ARID4B: variants seen among roughly 807,000 people sequenced by gnomAD.
The protein encoded by ARID4B is AT-rich interaction domain 4B.
ARID4B carries 26 observed loss-of-function variants against 147.5 expected under a neutral mutation model. That is an observed-to-expected ratio of 0.18 (90% CI 0.13 to 0.24). The LOEUF (loss-of-function observed/expected upper bound fraction) is 0.24, where lower values mean the gene tolerates loss of function less well. Ranked by LOEUF, ARID4B falls within the 10% of genes least tolerant of loss-of-function variation. The pLI, the probability that ARID4B is intolerant of heterozygous loss-of-function variation, is 1.00. For missense variants in ARID4B, 1,179 were observed against 1,511.5 expected (o/e 0.78, Z 3.65); for synonymous variants, 512 against 507.9 (o/e 1.01, Z -0.11).
intron 17 of ARID4B, among the ~76,000 whole-genome samples, chr1:235,205,763 T>G (rs12058385): frequency 0.04 from 6,086 of 152,154 alleles, 459 homozygotes; most frequent in African/African-American, 0.14. Context: ...AATAAGTACA[T>G]GAAAAAATGT....
intron 2 of ARID4B, among the ~76,000 whole-genome samples, chr1:235,312,365 A>T (rs10925410): frequency 0.039 from 5,865 of 152,228 alleles, 431 homozygotes; most frequent in African/African-American, 0.13. Flanking sequence ...TAACAAAATA[A>T]ATACTCATGT....
At chr1:235,191,982 A>T (rs1665142419) in intron 19 of ARID4B, among the ~76,000 whole-genome samples, 1 of 152,086 alleles carries the variant, frequency 6.6e-6, no homozygotes, top group Admixed American at 6.6e-5. Flanking sequence ...GGAGGCTGAG[A>T]TGGAAAGGTC....
At chr1:235,282,778 T>A (rs1355037719) in intron 2 of ARID4B, among the ~76,000 whole-genome samples, 3 of 152,060 alleles carry the variant, frequency 2.0e-5, no homozygotes, top group Non-Finnish European at 4.4e-5. Flanking sequence ...TATTTAATTT[T>A]ATTTATTTAT....
Position 235,246,464 on chromosome 1 carries a change from T to C in ARID4B, c.402A>G (p.Pro134=). 5.0e-6 allele frequency: 8 copies of C among 1,613,874 alleles called. No homozygotes were observed. The highest frequency in any genetic ancestry group is 5.9e-6 in the Non-Finnish European group (7 of 1,179,764). The change falls in exon 7 of 24, where the codon CCA becomes CCG. Residue 134 remains proline, a synonymous_variant. Transcript: ENST00000264183. Reference sequence around the variant, plus strand: ...CTCTATTTGTTTTCTTTCCTATGACTGGAGTGCCAAAATGCTCAGGGTTGG... The same window carrying C: ...CTCTATTTGTTTTCTTTCCTATGACCGGAGTGCCAAAATGCTCAGGGTTGG... ...PLTNPEHFGT[P]VIGKKTNRGR... is the part of the protein sequence containing the mutation.
chr1:235,311,768 T>A (rs886416910), intron 2 of ARID4B, among the ~76,000 whole-genome samples: 1 of 151,566 alleles, frequency 6.6e-6, no homozygotes, highest in Non-Finnish European at 1.5e-5. Context: ...AGCAAGACCC[T>A]GTCTCAAAAA....
rs371467026 is a variant in ARID4B, at chr1:235,220,555, T to C, written c.1164-10A>G. ...AAAACCATATAAGTATCTGGAAACA[T>C]GAAGAGAAATTACATTTGGTGAAAA... On this transcript the variant is annotated splice_polypyrimidine_tract_variant and intron_variant, in intron 14 of 23. Transcript: ENST00000264183. 3.9e-6 allele frequency: 6 copies of C among 1,536,472 alleles called. No homozygotes were observed. The highest frequency in any genetic ancestry group is 5.2e-6 in the Non-Finnish European group (6 of 1,143,646).
intron 23 of ARID4B, among the ~76,000 whole-genome samples, chr1:235,170,199 G>A (rs1156725348): frequency 6.6e-6 from 1 of 152,020 alleles, no homozygotes; most frequent in Non-Finnish European, 1.5e-5. Flanking sequence ...ACTTGTCTTT[G>A]GAAAGAAAAA....
chr1:235,313,072 CTCATTCTA>C (rs1312753379), intron 2 of ARID4B, among the ~76,000 whole-genome samples: 1 of 152,194 alleles, frequency 6.6e-6, no homozygotes, highest in Non-Finnish European at 1.5e-5. Flanking sequence ...GAGATGCAGT[CTCATTCTA>C]TCACCTAGGC....
At chr1:235,178,050 T>G (rs1664016400) in intron 20 of ARID4B, 137 bp from the exon 21 acceptor site, 3 of 470,388 alleles carry the variant, frequency 6.4e-6, no homozygotes, top group South Asian at 5.2e-5. Flanking sequence ...TCACAGAACT[T>G]ACTACAATTT....
intron 2 of ARID4B, among the ~76,000 whole-genome samples, chr1:235,309,434 C>T (rs1359165174): frequency 7.1e-6 from 1 of 141,198 alleles, no homozygotes; most frequent in African/African-American, 3.0e-5. Context: ...GGGGGGTCAG[C>T]CCCCCGCCCG....
At position 235,171,682 on chromosome 1, in the gene ARID4B, C is replaced by A. The variant is rs1323090336; in HGVS notation, c.3811+936G>T. ...GAGACAGAGTTTAGCTCTTGTTGCC[C>A]AGGCTGGAGTGCAATGGCATGATCT... is the stretch of plus-strand genomic sequence containing the variant. On this transcript the variant is annotated intron_variant, in intron 23 of 23. Coordinates refer to ENST00000264183, the MANE Select transcript of ARID4B (RefSeq NM_016374.6). Among the ~76,000 whole-genome samples the A allele has an allele frequency of 2.0e-5, 3 of 151,968 alleles. 1 individual carries two copies. The highest frequency in any genetic ancestry group is 6.8e-3 in the Middle Eastern group (2 of 294).
intron 5 of ARID4B, 97 bp from the exon 6 acceptor site, chr1:235,252,906 T>C: frequency 3.7e-6 from 3 of 815,404 alleles, no homozygotes; most frequent in Non-Finnish European, 5.8e-6. Flanking sequence ...ACAGATCTAC[T>C]ATTTAAGACT....
At chr1:235,168,963 T>C (rs1663127410) in intron 23 of ARID4B, among the ~76,000 whole-genome samples, 1 of 152,170 alleles carries the variant, frequency 6.6e-6, no homozygotes, top group South Asian at 2.1e-4. Context: ...AATACACTTT[T>C]TGTAACAGTG....
At chr1:235,238,464 T>A (rs1259126829) in intron 8 of ARID4B, among the ~76,000 whole-genome samples, 1 of 152,220 alleles carries the variant, frequency 6.6e-6, no homozygotes, top group Non-Finnish European at 1.5e-5. Context: ...ACAAATTAGT[T>A]GTCAAACGTG....
At position 235,168,608 on chromosome 1, in the gene ARID4B, T is replaced by G. The variant is rs1414101127; in HGVS notation, c.3856A>C (p.Ile1286Leu). 1 of 1,614,028 alleles carries G rather than the reference T, an allele frequency of 6.2e-7. No homozygotes were observed. The highest frequency in any genetic ancestry group is 1.7e-5 in the Admixed American group (1 of 60,008). The change falls in exon 24 of 24, where the codon ATA becomes CTA. Residue 1286 changes from isoleucine to leucine, a missense_variant. Ile to Leu is a conservative substitution (Grantham distance 5). Transcript: ENST00000264183. ...AAAGTTAACATAACAGCAGCTGTTA[T>G]GGAACTGGATGAAGGTGAAGAGGAG... The part of the protein sequence containing the change: ...SSSSSPSSSS[I>L]TAAVMLTLAE...
At chr1:235,236,844 A>ATATATATATATATATGTG (rs1558233519) in intron 8 of ARID4B, among the ~76,000 whole-genome samples, 2 of 32,738 alleles carry the variant, frequency 6.1e-5, no homozygotes, top group Non-Finnish European at 1.2e-4. Context: ...ATATATATAT[A>ATATATATATATATATGTG]TATATATATA....
intron 21 of ARID4B, among the ~76,000 whole-genome samples, chr1:235,176,372 C>A (rs1404640637): frequency 7.7e-6 from 1 of 129,060 alleles, no homozygotes; most frequent in Non-Finnish European, 1.6e-5. Context: ...CTACCAGTTA[C>A]ACCAAACAAT....
Position 235,182,608 on chromosome 1 carries a change from T to C in ARID4B, c.2311A>G (p.Ile771Val). 1 of 1,613,642 alleles carries C rather than the reference T, an allele frequency of 6.2e-7. No homozygotes were observed. The highest frequency in any genetic ancestry group is 8.5e-7 in the Non-Finnish European group (1 of 1,179,942). Residue 771 changes from isoleucine to valine, a missense_variant, in exon 20 of 24, where the codon ATA (isoleucine) becomes GTA (valine). Transcript: ENST00000264183. ...EENKVHADLVISKPVSKSPER... is the reference protein window; with the variant it reads ...EENKVHADLVVSKPVSKSPER... ...GGAGATTTTGACACTGGTTTGGATA[T>C]TACCAAATCTGCATGAACTTTGTTT...
At chr1:235,265,303 T>A (rs1370340615) in intron 2 of ARID4B, among the ~76,000 whole-genome samples, 3 of 151,534 alleles carry the variant, frequency 2.0e-5, no homozygotes, top group African/African-American at 4.9e-5. Context: ...GAGGTAGAGG[T>A]TGCAGTGAGT....
Sources: allele counts gnomAD v4.1 joint callset (sites outside exome capture counted in the v4.1 genomes callset), GRCh38; gene constraint gnomAD v4.1.1; transcripts MANE v1.5; gene names NCBI Gene and HGNC (gene_info 2026-07-23, HGNC 2026-07-21).